Variants in JADE3 observed in about 807,000 individuals in gnomAD.
JADE3 encodes the protein jade family PHD finger 3, also known as protein Jade-3.
Under a neutral mutation model 50.1 loss-of-function variants are expected in JADE3, and 2 were observed. That is an observed-to-expected ratio of 0.04 (90% CI 0.02 to 0.13). The LOEUF (loss-of-function observed/expected upper bound fraction) is 0.13. JADE3 is among the 10% of genes least tolerant of loss of function. JADE3 has a pLI of 1.00. For synonymous variants in JADE3, 218 were observed against 232.9 expected (o/e 0.94, Z 0.58); for missense variants, 475 against 634.4 (o/e 0.75, Z 2.70).
intron 8 of JADE3, among the ~76,000 whole-genome samples, chrX:47,048,349 A>G (rs1556371163): frequency 3.6e-5 from 4 of 112,020 alleles, no homozygotes; most frequent in African/African-American, 1.3e-4. Flanking sequence ...TTACCGCACA[A>G]TACCCAAGAG....
intron 3 of JADE3, among the ~76,000 whole-genome samples, chrX:46,991,061 A>C (rs370707829): frequency 0.44 from 198 of 451 alleles, 11 homozygotes; most frequent in African/African-American, 0.49. Context: ...TCCCTCCCTC[A>C]CTCCCTCCCT....
intron 1 of JADE3, among the ~76,000 whole-genome samples, chrX:46,963,186 T>A (rs371291059): frequency 1.8e-5 from 2 of 111,908 alleles, no homozygotes; most frequent in East Asian, 5.6e-4. Flanking sequence ...CACGCTTATC[T>A]CTGGACAGGG....
At chrX:46,939,663 T>C (rs2052740058) in intron 1 of JADE3, among the ~76,000 whole-genome samples, 1 of 112,050 alleles carries the variant, frequency 8.9e-6, no homozygotes, top group African/African-American at 3.2e-5. Context: ...TCCCTCAAGC[T>C]GAAACTTTAA....
intron 1 of JADE3, among the ~76,000 whole-genome samples, chrX:46,977,998 C>G (rs1271218612): frequency 9.0e-6 from 1 of 111,304 alleles, no homozygotes; most frequent in Non-Finnish European, 1.9e-5. Flanking sequence ...ATTCCTTTGC[C>G]TGTTTATTTT....
intron 3 of JADE3, among the ~76,000 whole-genome samples, chrX:46,996,355 C>T (rs1556357372): frequency 8.9e-6 from 1 of 112,231 alleles, no homozygotes; most frequent in Non-Finnish European, 1.9e-5. Flanking sequence ...ATTTCTGAAG[C>T]CATAGACAAG....
At chrX:47,051,753 C>T (rs782353758) in intron 8 of JADE3, among the ~76,000 whole-genome samples, 1 of 108,564 alleles carries the variant, frequency 9.2e-6, no homozygotes, top group East Asian at 2.9e-4. Context: ...GCCGAGATCA[C>T]GCCACTGCAC....
At chrX:46,945,262 A>G (rs1375509713) in intron 1 of JADE3, among the ~76,000 whole-genome samples, 2 of 110,824 alleles carry the variant, frequency 1.8e-5, no homozygotes, top group Non-Finnish European at 3.8e-5. Context: ...ATAGTCACTC[A>G]TAGACTTTAG....
chrX:46,951,852 T>C (rs1927013001), intron 1 of JADE3, among the ~76,000 whole-genome samples: 1 of 111,604 alleles, frequency 9.0e-6, no homozygotes, highest in African/African-American at 3.3e-5. Flanking sequence ...GTTATCATTA[T>C]ATCTTCTTTT....
At chrX:46,953,840 T>A (rs1340832263) in intron 1 of JADE3, among the ~76,000 whole-genome samples, 1 of 111,858 alleles carries the variant, frequency 8.9e-6, no homozygotes, top group African/African-American at 3.3e-5. Context: ...TGCCTCTCTG[T>A]CGTAGTCTCT....
At chrX:46,952,435 C>T (rs1556345368) in intron 1 of JADE3, among the ~76,000 whole-genome samples, 1 of 112,066 alleles carries the variant, frequency 8.9e-6, no homozygotes, top group Non-Finnish European at 1.9e-5. Flanking sequence ...AGTCAGGGAC[C>T]TAAGTGTGTG....
intron 4 of JADE3, among the ~76,000 whole-genome samples, chrX:47,002,438 A>G (rs1370783136): frequency 9.0e-6 from 1 of 111,330 alleles, no homozygotes; most frequent in Non-Finnish European, 1.9e-5. Flanking sequence ...CTGGATTTTC[A>G]TAAGGATTAT....
In JADE3 at chrX:47,039,016, G is replaced by T. The variant is rs1333463405; in HGVS notation, c.923G>T (p.Trp308Leu). 1.8e-5 allele frequency: 21 copies of T among 1,198,661 alleles called. No homozygotes were observed. The highest frequency in any genetic ancestry group is 2.4e-5 in the Non-Finnish European group (21 of 885,968). Residue 308 changes from tryptophan (W) to leucine (L), a missense_variant, in exon 8 of 11, where the codon TGG becomes TTG. Coordinates refer to ENST00000614628, the MANE Select transcript of JADE3 (RefSeq NM_014735.5). ...ATCTCCCACATCCCACCCAGTCGGTGGGCCTTAGTCTGCAACTTGTGCAAG... is the reference window on the plus strand; with the variant it reads ...ATCTCCCACATCCCACCCAGTCGGTTGGCCTTAGTCTGCAACTTGTGCAAG... The part of the protein sequence containing the change: ...TKISHIPPSR[W>L]ALVCNLCKLK...
At chrX:46,992,307 A>G (rs1325738617) in intron 3 of JADE3, among the ~76,000 whole-genome samples, 1 of 44,682 alleles carries the variant, frequency 2.2e-5, no homozygotes, top group African/African-American at 9.0e-5. Flanking sequence ...CCCTGCCCCC[A>G]CCCCAGCTTC....
chrX:46,950,381 G>A lies in JADE3; in HGVS notation c.-11-34503G>A, dbSNP rs782373801. Among the ~76,000 whole-genome samples, 4 of 112,433 alleles carry A rather than the reference G, an allele frequency of 3.6e-5. No homozygotes were observed. The East Asian group carries it at 1.1e-3, about 31-fold the overall frequency. ...GTGGACATTTCATATAAATAGAAGC[G>A]TATAACATATGGTCTTGTGTGTCCA... On this transcript the variant is annotated intron_variant, in intron 1 of 10. Transcript: ENST00000614628.
intron 1 of JADE3, among the ~76,000 whole-genome samples, chrX:46,913,614 A>G (rs1556335692): frequency 9.1e-6 from 1 of 109,478 alleles, no homozygotes; most frequent in Non-Finnish European, 1.9e-5. Flanking sequence ...ATAGCCTTCA[A>G]TCTTTTTCTC....
intron 7 of JADE3, among the ~76,000 whole-genome samples, chrX:47,037,201 G>T (rs1556368172): frequency 9.0e-6 from 1 of 110,863 alleles, no homozygotes; most frequent in Non-Finnish European, 1.9e-5. Context: ...GGCTGAGGGA[G>T]TAGGGTAAGC....
At chrX:46,914,828 A>G (rs1556335945) in intron 1 of JADE3, among the ~76,000 whole-genome samples, 1 of 111,880 alleles carries the variant, frequency 8.9e-6, no homozygotes. Flanking sequence ...AAAAAAGTAG[A>G]GAAAGGCTTC....
At chrX:47,007,593 CTTTCT>C (rs1556360593) in intron 4 of JADE3, among the ~76,000 whole-genome samples, 1 of 111,039 alleles carries the variant, frequency 9.0e-6, no homozygotes, top group African/African-American at 3.3e-5. Flanking sequence ...GTCACTTTTG[CTTTCT>C]TTTGAGTGAT....
rs144893581 is a variant in JADE3 at position 47,058,986 on chromosome X, C to G, written c.2381C>G (p.Ser794Ter). ...KEKVRVRKDSSDRENPPHDSR... is the reference protein window; with the variant it reads ...KEKVRVRKDS ...AAAGTCAGGGTAAGGAAAGATAGCTCAGACAGGGAAAATCCTCCCCATGAC... is the reference window on the plus strand; with the variant it reads ...AAAGTCAGGGTAAGGAAAGATAGCTGAGACAGGGAAAATCCTCCCCATGAC... The change falls in exon 11 of 11, where the codon TCA becomes TGA. Residue 794 changes from serine (S) to a stop codon, truncating the protein, a stop_gained. Transcript: ENST00000614628. LOFTEE classifies it high-confidence loss of function. The G allele has an allele frequency of 2.5e-6, 3 of 1,207,748 alleles. No homozygotes were observed. The African/African-American group carries it at 5.3e-5, about 21-fold the overall frequency.
Sources: gnomAD v4.1 joint callset for allele counts (sites outside exome capture counted in the v4.1 genomes callset) on GRCh38, gnomAD v4.1.1 for gene constraint, MANE v1.5 for transcripts, NCBI Gene and HGNC (gene_info 2026-07-23, HGNC 2026-07-21) for gene names.